The following KAZN variants were observed in gnomAD, a reference collection of about 807,000 sequenced individuals.
KAZN encodes kazrin, periplakin interacting protein, also known as kazrin.
KAZN carries 40 observed loss-of-function variants against 87.4 expected under a neutral mutation model. That is an observed-to-expected ratio of 0.46 (90% CI 0.36 to 0.60). The LOEUF is 0.60. Among genes scored for constraint, KAZN ranks in the 20% least tolerant of loss-of-function variants. The pLI, the probability that KAZN is intolerant of heterozygous loss-of-function variation, is 0.00. For synonymous variants in KAZN, 466 were observed against 458.3 expected, an observed-to-expected ratio of 1.02 and a Z score of -0.22; for missense variants, 898 against 1,073.9, an observed-to-expected ratio of 0.84 and a Z score of 2.29.
intron 1 of KAZN, among the ~76,000 whole-genome samples, chr1:14,864,755 C>T (rs886649749): frequency 5.3e-5 from 8 of 152,234 alleles, no homozygotes; most frequent in Admixed American, 6.5e-5. Flanking sequence ...ATTCAGAGGA[C>T]GGGCTCTGGA....
rs72873329 is a variant in KAZN at position 13,973,552 on chromosome 1, C to A, written c.91+79796C>A. Reference sequence around the variant, plus strand: ...TGCCTTCTCTGGATTCAGGTAACAACTCCCTCAACTTGCCTTTCAGGCCTA... The same window carrying A: ...TGCCTTCTCTGGATTCAGGTAACAAATCCCTCAACTTGCCTTTCAGGCCTA... On this transcript the variant is annotated intron_variant, in intron 1 of 16. Transcript: ENST00000636203. Among the ~76,000 whole-genome samples the A allele has an allele frequency of 7.4e-3, 1,122 of 152,322 alleles. 13 individuals carry two copies. The highest frequency in any genetic ancestry group is 0.025 in the African/African-American group (1,054 of 41,562).
In KAZN at chr1:14,874,519, T is replaced by TGGATGGATGGAC. The variant is rs778467642; in HGVS notation, c.227-86162_227-86161insTGGATGGACGGA. On this transcript the variant is annotated intron_variant, in intron 1 of 14. Coordinates refer to ENST00000376030, the MANE Select transcript of KAZN (RefSeq NM_201628.3). ...ATGGATGGATGGATGGATGGATGGATGGACAGATGGATGGAAGGCTAACTT... is the reference window on the plus strand; with the variant it reads ...ATGGATGGATGGATGGATGGATGGATGGATGGATGGACGGACAGATGGATGGAAGGCTAACTT... Among the ~76,000 whole-genome samples the TGGATGGATGGAC allele has an allele frequency of 3.3e-4, 47 of 144,600 alleles. 1 individual carries two copies. The highest frequency in any genetic ancestry group is 1.9e-3 in the South Asian group (9 of 4,666). 94.9% of individuals were successfully genotyped at this position (144,600 alleles called of 152,430 possible).
intron 1 of KAZN, among the ~76,000 whole-genome samples, chr1:14,003,208 T>C (rs564989384): frequency 6.7e-6 from 1 of 149,988 alleles, no homozygotes; most frequent in South Asian, 2.1e-4. Context: ...TGTTAGGGGG[T>C]CGGGGGCAAG....
At chr1:14,732,123 TCA>T (rs1346757167) in intron 1 of KAZN, among the ~76,000 whole-genome samples, 7 of 152,204 alleles carry the variant, frequency 4.6e-5, no homozygotes, top group African/African-American at 1.7e-4. Flanking sequence ...CTCAAGGTAG[TCA>T]CAGTTTCAAC....
chr1:14,887,771 C>T (rs1366283866), intron 1 of KAZN, among the ~76,000 whole-genome samples: 7 of 150,404 alleles, frequency 4.7e-5, no homozygotes, highest in African/African-American at 7.4e-5. Context: ...AATGAGCTTT[C>T]GGGCCTAATT....
chr1:14,844,115 C>T (rs1648376152), intron 1 of KAZN, among the ~76,000 whole-genome samples: 1 of 152,172 alleles, frequency 6.6e-6, no homozygotes, highest in Non-Finnish European at 1.5e-5. Flanking sequence ...TCATTAGCCA[C>T]CCTTTGACAT....
At chr1:15,049,284 C>G (rs773644682) in intron 4 of KAZN, among the ~76,000 whole-genome samples, 1 of 152,262 alleles carries the variant, frequency 6.6e-6, no homozygotes, top group Non-Finnish European at 1.5e-5. Context: ...GGGAGCCCGG[C>G]TCACACGGAC....
chr1:14,988,393 C>T (rs930949753), intron 2 of KAZN, among the ~76,000 whole-genome samples: 2 of 152,248 alleles, frequency 1.3e-5, no homozygotes, highest in African/African-American at 2.4e-5. Flanking sequence ...ACCCTGCTGG[C>T]TCAGCCTGAG....
chr1:14,567,260 C>T (rs1031180219), intron 2 of KAZN, among the ~76,000 whole-genome samples: 7 of 152,032 alleles, frequency 4.6e-5, no homozygotes, highest in African/African-American at 1.2e-4. Flanking sequence ...AATGGGGAAA[C>T]GGCCAGTTGG....
chr1:14,300,472 G>C (rs1431235774), intron 2 of KAZN, among the ~76,000 whole-genome samples: 8 of 152,126 alleles, frequency 5.3e-5, no homozygotes, highest in Admixed American at 5.2e-4. Flanking sequence ...TTGGGCTCAA[G>C]GGATCCTCCT....
At chr1:14,942,458 CT>C (rs755266306) in intron 1 of KAZN, among the ~76,000 whole-genome samples, 1 of 152,240 alleles carries the variant, frequency 6.6e-6, no homozygotes, top group Non-Finnish European at 1.5e-5. Flanking sequence ...TTCCGACCCG[CT>C]CCAAACGTTA....
At chr1:15,071,032 A>C (rs1000221822) in intron 8 of KAZN, among the ~76,000 whole-genome samples, 11 of 152,182 alleles carry the variant, frequency 7.2e-5, no homozygotes, top group Non-Finnish European at 1.6e-4. Context: ...TGAAGAATGA[A>C]TAGGGAACAT....
intron 1 of KAZN, among the ~76,000 whole-genome samples, chr1:13,986,270 G>A (rs1225628783): frequency 6.6e-6 from 1 of 152,118 alleles, no homozygotes; most frequent in East Asian, 1.9e-4. Context: ...TTACAAATTT[G>A]CATTAGGAAC....
At chr1:14,734,915 C>T (rs1418831338) in intron 1 of KAZN, among the ~76,000 whole-genome samples, 2 of 152,328 alleles carry the variant, frequency 1.3e-5, no homozygotes, top group Non-Finnish European at 2.9e-5. Flanking sequence ...TACCATGCCT[C>T]CCCATAGTCC....
intron 2 of KAZN, among the ~76,000 whole-genome samples, chr1:14,472,183 C>T (rs188540344): frequency 5.9e-5 from 9 of 152,278 alleles, no homozygotes; most frequent in African/African-American, 2.2e-4. Flanking sequence ...TTAATCAGGT[C>T]CTGAAAGGCC....
At chr1:14,212,720 T>G (rs1198100494) in intron 2 of KAZN, among the ~76,000 whole-genome samples, 1 of 152,130 alleles carries the variant, frequency 6.6e-6, no homozygotes, top group Non-Finnish European at 1.5e-5. Flanking sequence ...ATCTTACTAT[T>G]TCTAACCTCC....
rs1423126560 is a variant in KAZN, at chr1:14,957,056, G to A, written c.227-3628G>A. ...GCTCTGAGCAGATGTGGGCCCTTCC[G>A]TGTTCTGTTTCTTCGTGTGTGCGTC... is the stretch of plus-strand genomic sequence containing the variant. On this transcript the variant is annotated intron_variant, in intron 1 of 14. Coordinates refer to ENST00000376030, the MANE Select transcript of KAZN (RefSeq NM_201628.3). 2.6e-5 allele frequency among the ~76,000 whole-genome samples: 4 copies of A among 152,228 alleles called. 1 individual carries two copies. The highest frequency in any genetic ancestry group is 4.2e-4 in the South Asian group (2 of 4,814).
At chr1:15,102,021 G>T (rs1241168728) in intron 11 of KAZN, among the ~76,000 whole-genome samples, 1 of 151,978 alleles carries the variant, frequency 6.6e-6, no homozygotes, top group Non-Finnish European at 1.5e-5. Context: ...ACCCCCTATT[G>T]GGCACGGGCC....
At chr1:14,971,038 A>G (rs1217670956) in intron 2 of KAZN, among the ~76,000 whole-genome samples, 2 of 152,164 alleles carry the variant, frequency 1.3e-5, no homozygotes, top group Non-Finnish European at 2.9e-5. Context: ...CCTCCCAACA[A>G]CCCATGTTCG....
Sources: allele counts gnomAD v4.1 joint callset (sites outside exome capture counted in the v4.1 genomes callset), GRCh38; gene constraint gnomAD v4.1.1; transcripts MANE v1.5; gene names NCBI Gene and HGNC (gene_info 2026-07-23, HGNC 2026-07-21).